The following ATG4C variants were observed in gnomAD, a reference collection of about 807,000 sequenced individuals.
The protein encoded by ATG4C is autophagy related 4C cysteine peptidase, also known as cysteine protease ATG4C.
In ATG4C, 56 loss-of-function variants were observed where a neutral mutation model predicts 57.6. The ratio of observed to expected loss-of-function variants is 0.97; its 90% confidence interval spans 0.78 to 1.21. ATG4C has a LOEUF of 1.21. Among genes scored for constraint, ATG4C ranks in the 50% most tolerant of loss-of-function variants. The pLI is 0.00. For missense variants in ATG4C, 595 were observed against 529.8 expected, an observed-to-expected ratio of 1.12 and a Z score of -1.21; for synonymous variants, 157 against 174.1, an observed-to-expected ratio of 0.90 and a Z score of 0.78.
chr1:62,797,811 G>A (rs1664523462), intron 1 of ATG4C, among the ~76,000 whole-genome samples: 1 of 151,836 alleles, frequency 6.6e-6, no homozygotes, highest in Non-Finnish European at 1.5e-5. Flanking sequence ...TATATACCAT[G>A]CTTAGAAAAA....
intron 9 of ATG4C, 121 bp from the exon 10 acceptor site, chr1:62,841,307 A>G: frequency 1.2e-6 from 1 of 867,116 alleles, no homozygotes; most frequent in Admixed American, 3.3e-5. Flanking sequence ...GAACTAAAAC[A>G]CCATTTGAAA....
At chr1:62,812,626 T>G (rs573343842) in intron 3 of ATG4C, among the ~76,000 whole-genome samples, 21 of 152,118 alleles carry the variant, frequency 1.4e-4, no homozygotes, top group Non-Finnish European at 3.1e-4. Context: ...GCCAGGGAAA[T>G]CAGGCAAGAG....
intron 6 of ATG4C, among the ~76,000 whole-genome samples, chr1:62,823,048 C>T (rs1377604239): frequency 2.6e-5 from 4 of 151,974 alleles, no homozygotes; most frequent in Non-Finnish European, 4.4e-5. Flanking sequence ...CCCAGCTACT[C>T]GGGAGGCTGG....
chr1:62,842,301 A>ATTT (rs71045857), intron 10 of ATG4C, among the ~76,000 whole-genome samples: 1,530 of 139,536 alleles, frequency 0.011, 20 homozygotes, highest in Non-Finnish European at 0.016. Context: ...ATTTTTGGGA[A>ATTT]TTTTTTTTTT....
chr1:62,839,491 A>G lies in ATG4C; in HGVS notation c.1090-1937A>G, dbSNP rs568477432. Reference sequence around the variant, plus strand: ...CCAACTGGTAAAAAAGTTAAGAAACATTCCTTGTGATTGTCTTTCGAATGA... The same window carrying G: ...CCAACTGGTAAAAAAGTTAAGAAACGTTCCTTGTGATTGTCTTTCGAATGA... On this transcript the variant is annotated intron_variant, in intron 9 of 10. Transcript: ENST00000317868. Among the ~76,000 whole-genome samples the G allele has an allele frequency of 1.8e-4, 27 of 152,362 alleles. No homozygotes were observed. The South Asian group carries it at 5.4e-3, about 30-fold the overall frequency.
chr1:62,855,899 G>A (rs767924551), intron 10 of ATG4C, among the ~76,000 whole-genome samples: 19 of 152,312 alleles, frequency 1.2e-4, no homozygotes, highest in Middle Eastern at 3.4e-3. Context: ...AGACAGTTGA[G>A]TATCTAATCT....
At chr1:62,848,093 T>G (rs1361648044) in intron 10 of ATG4C, among the ~76,000 whole-genome samples, 1 of 152,218 alleles carries the variant, frequency 6.6e-6, no homozygotes, top group African/African-American at 2.4e-5. Context: ...CAGAAAGACA[T>G]GTTATAAAAG....
intron 3 of ATG4C, among the ~76,000 whole-genome samples, chr1:62,813,228 A>G (rs1170990869): frequency 2.0e-5 from 3 of 151,958 alleles, no homozygotes; most frequent in Non-Finnish European, 4.4e-5. Context: ...ACTATACTAC[A>G]GGGCTACAGT....
chr1:62,850,631 G>A lies in ATG4C; in HGVS notation c.1209+9084G>A, dbSNP rs1350593833. On this transcript the variant is annotated intron_variant, in intron 10 of 10. Coordinates refer to ENST00000317868, the MANE Select transcript of ATG4C (RefSeq NM_032852.4). ...TGCCCGCCCCTGTTTCACGGGTTTCGTTTGTTTCCTGTGCCTGGCATTCTC... is the reference window on the plus strand; with the variant it reads ...TGCCCGCCCCTGTTTCACGGGTTTCATTTGTTTCCTGTGCCTGGCATTCTC... Among the ~76,000 whole-genome samples, 6 of 151,606 alleles carry A rather than the reference G, an allele frequency of 4.0e-5. No individual in the cohort carries two copies. In the South Asian group the frequency reaches 1.0e-3, roughly 26 times the overall value.
intron 10 of ATG4C, among the ~76,000 whole-genome samples, chr1:62,861,576 AACACACACAC>A (rs57225222): frequency 0.045 from 6,073 of 133,484 alleles, 458 homozygotes; most frequent in African/African-American, 0.16. Flanking sequence ...TGGAAAATAG[AACACACACAC>A]ACACACACAC....
chr1:62,819,412 T>A, intron 5 of ATG4C, 77 bp downstream of exon 5: 1 of 1,159,354 alleles, frequency 8.6e-7, no homozygotes, highest in Non-Finnish European at 1.2e-6. Context: ...GCAATGTGTA[T>A]ATATAATTGG....
At chr1:62,843,201 C>T (rs1358229400) in intron 10 of ATG4C, among the ~76,000 whole-genome samples, 5 of 151,006 alleles carry the variant, frequency 3.3e-5, no homozygotes, top group African/African-American at 9.7e-5. Context: ...TAATTAAAGA[C>T]ACTTATGGCT....
intron 1 of ATG4C, among the ~76,000 whole-genome samples, chr1:62,790,178 T>G (rs1664229821): frequency 6.6e-6 from 1 of 152,226 alleles, no homozygotes; most frequent in South Asian, 2.1e-4. Flanking sequence ...CCTCCCAAAG[T>G]GCTGGGATTA....
intron 1 of ATG4C, among the ~76,000 whole-genome samples, chr1:62,797,784 T>G (rs147302958): frequency 1.8e-3 from 269 of 152,276 alleles, no homozygotes; most frequent in Non-Finnish European, 3.0e-3. Context: ...CATTTTCCTG[T>G]CTGATTTCTG....
At chr1:62,819,848 A>G (rs554407183) in intron 5 of ATG4C, among the ~76,000 whole-genome samples, 2 of 152,142 alleles carry the variant, frequency 1.3e-5, no homozygotes, top group Admixed American at 1.3e-4. Flanking sequence ...GACATTCAGG[A>G]TAGTTAGAAA....
chr1:62,828,944 C>A, intron 6 of ATG4C, 96 bp from the exon 7 acceptor site: 2 of 1,057,500 alleles, frequency 1.9e-6, no homozygotes, highest in Non-Finnish European at 2.7e-6. Flanking sequence ...AGATAGCTGG[C>A]TGTCCATTGC....
chr1:62,816,469 T>A, intron 3 of ATG4C, 106 bp from the exon 4 acceptor site: 1 of 722,888 alleles, frequency 1.4e-6, no homozygotes, highest in Non-Finnish European at 2.1e-6. Flanking sequence ...AAAAAAAGGA[T>A]TGGAAAGATT....
At chr1:62,810,546 C>T (rs952244068) in intron 3 of ATG4C, among the ~76,000 whole-genome samples, 3 of 152,078 alleles carry the variant, frequency 2.0e-5, no homozygotes, top group Non-Finnish European at 2.9e-5. Context: ...CTCAAATTGT[C>T]GTGACATTGG....
Position 62,834,740 on chromosome 1 carries a change from T to G in ATG4C, c.1013-36T>G, listed in dbSNP as rs762571316. On this transcript the variant is annotated intron_variant, in intron 8 of 10. Coordinates refer to ENST00000317868, the MANE Select transcript of ATG4C (RefSeq NM_032852.4). Reference sequence around the variant, plus strand: ...TGTAAGCAGTGTAATAATAAGGTGTTTTTTGAATTACTTGTCTTCTGTTTT... The same window carrying G: ...TGTAAGCAGTGTAATAATAAGGTGTGTTTTGAATTACTTGTCTTCTGTTTT... 6 of 1,561,192 alleles carry G rather than the reference T, an allele frequency of 3.8e-6. No homozygotes were observed. In the Admixed American group the frequency reaches 6.8e-5, roughly 18 times the overall value.
Sources: gnomAD v4.1 joint callset for allele counts (sites outside exome capture counted in the v4.1 genomes callset) on GRCh38, gnomAD v4.1.1 for gene constraint, MANE v1.5 for transcripts, NCBI Gene and HGNC (gene_info 2026-07-23, HGNC 2026-07-21) for gene names.